Variants in DLGAP1 observed in about 807,000 individuals in gnomAD.
DLGAP1 encodes disks large-associated protein 1.
DLGAP1 carries 11 observed loss-of-function variants against 90.8 expected under a neutral mutation model. The ratio of observed to expected loss-of-function variants is 0.12; its 90% confidence interval spans 0.08 to 0.20. The LOEUF is 0.20. Among genes scored for constraint, DLGAP1 ranks in the 10% least tolerant of loss-of-function variants. The pLI is 1.00. For synonymous variants in DLGAP1, 558 were observed against 540.7 expected, an observed-to-expected ratio of 1.03 and a Z score of -0.44; for missense variants, 1,050 against 1,333.8, an observed-to-expected ratio of 0.79 and a Z score of 3.31.
At chr18:4,299,949 C>G (rs1228826481) in intron 1 of DLGAP1, among the ~76,000 whole-genome samples, 1 of 152,050 alleles carries the variant, frequency 6.6e-6, no homozygotes, top group African/African-American at 2.4e-5. Flanking sequence ...TTCATACTTT[C>G]AAATAATCGA....
At chr18:4,031,489 G>A (rs889716804) in intron 2 of DLGAP1, among the ~76,000 whole-genome samples, 25 of 152,126 alleles carry the variant, frequency 1.6e-4, no homozygotes, top group Non-Finnish European at 3.1e-4. Context: ...CATTTTGTTC[G>A]CCCAAAAGCA....
chr18:3,645,904 A>G (rs1007130092), intron 7 of DLGAP1, among the ~76,000 whole-genome samples: 1 of 152,200 alleles, frequency 6.6e-6, no homozygotes, highest in African/African-American at 2.4e-5. Flanking sequence ...ATAGAGTATA[A>G]TATGTCATGT....
At chr18:3,607,225 A>G (rs2057366708) in intron 7 of DLGAP1, 2 of 151,768 alleles carry the variant, frequency 1.3e-5, no homozygotes, top group East Asian at 2.0e-4. Context: ...TTGAGACAGG[A>G]TCTTGTTCTG....
At chr18:3,968,434 A>G (rs534713498) in intron 3 of DLGAP1, among the ~76,000 whole-genome samples, 71 of 152,312 alleles carry the variant, frequency 4.7e-4, no homozygotes, top group African/African-American at 1.6e-3. Flanking sequence ...CAGGCACTCA[A>G]CTAAGACCTG....
At chr18:3,881,340 T>C (rs1165333865) in intron 3 of DLGAP1, among the ~76,000 whole-genome samples, 1 of 152,098 alleles carries the variant, frequency 6.6e-6, no homozygotes, top group Non-Finnish European at 1.5e-5. Context: ...AGTCTCTACA[T>C]GTTAATTGTT....
At chr18:4,430,971 G>C (rs962599563) in intron 1 of DLGAP1, 1 of 157,372 alleles carries the variant, frequency 6.4e-6, no homozygotes, top group Non-Finnish European at 1.4e-5. Context: ...GTATGTTGTG[G>C]AATGGACTGT....
chr18:4,199,526 G>A (rs796939813), intron 1 of DLGAP1, among the ~76,000 whole-genome samples: 1 of 152,162 alleles, frequency 6.6e-6, no homozygotes, highest in South Asian at 2.1e-4. Flanking sequence ...CCAATGAGAG[G>A]TTGTCATCCA....
At chr18:4,023,777 T>C (rs2074653191) in intron 2 of DLGAP1, among the ~76,000 whole-genome samples, 1 of 152,192 alleles carries the variant, frequency 6.6e-6, no homozygotes, top group African/African-American at 2.4e-5. Context: ...TGAAGTCACC[T>C]GAAGCTGTTT....
chr18:4,255,474 CAT>C (rs71840409), intron 1 of DLGAP1, among the ~76,000 whole-genome samples: 7,843 of 147,330 alleles, frequency 0.053, 314 homozygotes, highest in African/African-American at 0.12. Flanking sequence ...GAGAGATATA[CAT>C]ATATATATAT....
chr18:4,355,230 G>A (rs1468215944), intron 1 of DLGAP1, among the ~76,000 whole-genome samples: 2 of 152,188 alleles, frequency 1.3e-5, no homozygotes, highest in African/African-American at 4.8e-5. Flanking sequence ...CAGTCCAGGT[G>A]TCCCTGAACA....
At chr18:3,730,749 G>A (rs2062393885) in intron 6 of DLGAP1, among the ~76,000 whole-genome samples, 1 of 152,042 alleles carries the variant, frequency 6.6e-6, no homozygotes. Context: ...TTACCTTAAG[G>A]CATATCAATA....
At chr18:3,679,574 C>T (rs2060435069) in intron 7 of DLGAP1, among the ~76,000 whole-genome samples, 1 of 150,266 alleles carries the variant, frequency 6.7e-6, no homozygotes, top group Non-Finnish European at 1.5e-5. Flanking sequence ...CTGCAACACA[C>T]AGGCAGCAGG....
chr18:3,658,777 A>G (rs1336453186), intron 7 of DLGAP1, among the ~76,000 whole-genome samples: 2 of 152,240 alleles, frequency 1.3e-5, no homozygotes, highest in Non-Finnish European at 2.9e-5. Context: ...TTTCAGCCAT[A>G]TTCATTTTTG....
At chr18:3,670,189 A>G (rs903008684) in intron 7 of DLGAP1, among the ~76,000 whole-genome samples, 7 of 152,330 alleles carry the variant, frequency 4.6e-5, no homozygotes, top group Middle Eastern at 3.4e-3. Flanking sequence ...TTTGAAGTGT[A>G]AGTGTGTGCA....
At chr18:4,405,597 T>G (rs1053719487) in intron 1 of DLGAP1, among the ~76,000 whole-genome samples, 1 of 152,020 alleles carries the variant, frequency 6.6e-6, no homozygotes, top group Admixed American at 6.5e-5. Flanking sequence ...AAATAGACAG[T>G]GAGAGGGGAC....
intron 3 of DLGAP1, among the ~76,000 whole-genome samples, chr18:3,987,812 T>G (rs1237285269): frequency 1.3e-5 from 2 of 152,170 alleles, no homozygotes; most frequent in African/African-American, 2.4e-5. Context: ...CTTGAAATCA[T>G]TAGACTAAGA....
chr18:4,021,338 G>A (rs2074605120), intron 2 of DLGAP1, among the ~76,000 whole-genome samples: 1 of 152,166 alleles, frequency 6.6e-6, no homozygotes, highest in Non-Finnish European at 1.5e-5. Flanking sequence ...AACACAGTGA[G>A]TGATTTCTTG....
intron 1 of DLGAP1, among the ~76,000 whole-genome samples, chr18:4,333,014 T>C (rs1023843086): frequency 6.6e-6 from 1 of 151,994 alleles, no homozygotes; most frequent in African/African-American, 2.4e-5. Context: ...CTACATATTA[T>C]CCTGCTTTCC....
intron 1 of DLGAP1, among the ~76,000 whole-genome samples, chr18:4,154,400 AGT>A (rs1227465134): frequency 2.0e-5 from 3 of 152,018 alleles, no homozygotes; most frequent in Non-Finnish European, 4.4e-5. Context: ...AGCTAACTCA[AGT>A]TAGTTTGTTT....
Sources: gnomAD v4.1 joint callset for allele counts (sites outside exome capture counted in the v4.1 genomes callset) on GRCh38, gnomAD v4.1.1 for gene constraint, MANE v1.5 for transcripts, NCBI Gene and HGNC (gene_info 2026-07-23, HGNC 2026-07-21) for gene names.